The following RAPGEF4 variants were observed in gnomAD, a reference collection of about 807,000 sequenced individuals.
The protein encoded by RAPGEF4 is Rap guanine nucleotide exchange factor 4.
RAPGEF4 carries 66 observed loss-of-function variants against 147.9 expected under a neutral mutation model. The observed-to-expected ratio is 0.45, with a 90% CI of 0.37 to 0.55. The LOEUF (loss-of-function observed/expected upper bound fraction) is 0.55. Among genes scored for constraint, RAPGEF4 ranks in the 20% least tolerant of loss-of-function variants. The pLI, the probability that RAPGEF4 is intolerant of heterozygous loss-of-function variation, is 0.00. For synonymous variants in RAPGEF4, 419 were observed against 442.7 expected (o/e 0.95, Z 0.67); for missense variants, 1,071 against 1,257.3 (o/e 0.85, Z 2.24).
At chr2:172,946,058 C>T (rs6740103) in intron 6 of RAPGEF4, among the ~76,000 whole-genome samples, 3,346 of 147,998 alleles carry the variant, frequency 0.023, 120 homozygotes, top group African/African-American at 0.078. Context: ...ACTAGCAAAT[C>T]ATTAAAAACT....
At chr2:172,737,333 T>A (rs1437798395) in intron 1 of RAPGEF4, among the ~76,000 whole-genome samples, 1 of 152,188 alleles carries the variant, frequency 6.6e-6, no homozygotes, top group Admixed American at 6.5e-5. Flanking sequence ...GTATTTAAAG[T>A]ATAGAGGTTG....
chr2:172,910,142 T>C (rs936915727), intron 4 of RAPGEF4, among the ~76,000 whole-genome samples: 5 of 152,232 alleles, frequency 3.3e-5, no homozygotes, highest in Non-Finnish European at 5.9e-5. Flanking sequence ...GCTTCAGGCT[T>C]GGGCTCCCAA....
At chr2:172,986,844 C>G (rs554292226) in intron 12 of RAPGEF4, among the ~76,000 whole-genome samples, 1 of 152,196 alleles carries the variant, frequency 6.6e-6, no homozygotes, top group South Asian at 2.1e-4. Flanking sequence ...CAGGCGTGTG[C>G]CACCACGCCC....
At chr2:173,049,413 G>A (rs1685924419) in intron 30 of RAPGEF4, among the ~76,000 whole-genome samples, 1 of 152,090 alleles carries the variant, frequency 6.6e-6, no homozygotes, top group South Asian at 2.1e-4. Flanking sequence ...AACACTAAAG[G>A]TTTTTGCTAA....
At chr2:172,911,758 C>CTTTTTTTTT (rs34659758) in intron 4 of RAPGEF4, among the ~76,000 whole-genome samples, 1 of 63,220 alleles carries the variant, frequency 1.6e-5, no homozygotes, top group Non-Finnish European at 2.7e-5. Flanking sequence ...TGTGCTAAGC[C>CTTTTTTTTT]TTTTTTTTTT....
chr2:172,797,131 GT>G (rs1404785593), intron 2 of RAPGEF4, among the ~76,000 whole-genome samples: 3 of 152,140 alleles, frequency 2.0e-5, no homozygotes, highest in Non-Finnish European at 4.4e-5. Flanking sequence ...GCAGATTTTG[GT>G]TTTTTAAATC....
chr2:172,957,062 G>A (rs1456999380), intron 6 of RAPGEF4, among the ~76,000 whole-genome samples: 2 of 152,186 alleles, frequency 1.3e-5, no homozygotes, highest in East Asian at 3.9e-4. Context: ...TCTACTCTAA[G>A]CAATTCCAGT....
chr2:172,970,459 A>C (rs958609655), intron 10 of RAPGEF4, among the ~76,000 whole-genome samples: 1 of 152,230 alleles, frequency 6.6e-6, no homozygotes, highest in Non-Finnish European at 1.5e-5. Flanking sequence ...TAAACTCAGC[A>C]CGGCTGCATT....
In RAPGEF4 at chr2:173,020,714, T is replaced by G. The variant is rs1696004263; in HGVS notation, c.2252T>G (p.Leu751Arg). The G allele has an allele frequency of 6.2e-7, 1 of 1,611,872 alleles. No individual in the cohort carries two copies. Among genetic ancestry groups the G allele is most frequent in the Non-Finnish European group, 8.5e-7 (1 of 1,178,374 alleles). ...FACPREQFDSLTPLPEQEGPT... is the reference protein window; with the variant it reads ...FACPREQFDSRTPLPEQEGPT... ...TGCCCGCGAGAGCAATTCGATTCAC[T>G]GGTAGGTGTGGATGGCCTGCTCAGA... The change falls in exon 23 of 31, where the codon CTG becomes CGG. Residue 751 changes from leucine (L) to arginine (R), a missense_variant and splice_region_variant. By Grantham distance (102) the Leu-to-Arg change is moderately radical. Coordinates refer to ENST00000397081, the MANE Select transcript of RAPGEF4 (RefSeq NM_007023.4).
At chr2:172,834,555 C>T (rs1690714283) in intron 4 of RAPGEF4, among the ~76,000 whole-genome samples, 1 of 152,170 alleles carries the variant, frequency 6.6e-6, no homozygotes, top group African/African-American at 2.4e-5. Context: ...AAGAAATAAT[C>T]CCATTGTAAA....
At chr2:173,037,477 A>G (rs1684191077) in intron 29 of RAPGEF4, among the ~76,000 whole-genome samples, 2 of 152,050 alleles carry the variant, frequency 1.3e-5, no homozygotes, top group African/African-American at 4.8e-5. Flanking sequence ...AGCGGGGGGG[A>G]AAGCAAGGTT....
intron 4 of RAPGEF4, among the ~76,000 whole-genome samples, chr2:172,892,079 C>T (rs756453020): frequency 6.6e-6 from 1 of 152,086 alleles, no homozygotes; most frequent in Non-Finnish European, 1.5e-5. Context: ...GTTCTCAGCC[C>T]TTTGCCCTGT....
chr2:173,016,580 G>A, intron 19 of RAPGEF4, 143 bp downstream of exon 19: 1 of 657,366 alleles, frequency 1.5e-6, no homozygotes, highest in East Asian at 2.8e-5. Flanking sequence ...GAGGGCATAG[G>A]TGGTGCAGTA....
chr2:172,922,038 G>A (rs1438215118), intron 5 of RAPGEF4, among the ~76,000 whole-genome samples: 2 of 152,190 alleles, frequency 1.3e-5, no homozygotes, highest in South Asian at 2.1e-4. Flanking sequence ...AAACCATATG[G>A]TAGACGCAAA....
chr2:172,902,588 C>G (rs1235893014), intron 4 of RAPGEF4, among the ~76,000 whole-genome samples: 2 of 152,148 alleles, frequency 1.3e-5, no homozygotes, highest in Non-Finnish European at 2.9e-5. Flanking sequence ...CATGCCCCAC[C>G]CCTTCAAACA....
intron 1 of RAPGEF4, among the ~76,000 whole-genome samples, chr2:172,754,907 G>A (rs1490300093): frequency 6.6e-6 from 1 of 152,124 alleles, no homozygotes; most frequent in Non-Finnish European, 1.5e-5. Flanking sequence ...GCTGGGCCTG[G>A]TGGCAGGCAC....
chr2:172,830,349 A>G (rs1690159512), intron 4 of RAPGEF4, among the ~76,000 whole-genome samples: 1 of 152,228 alleles, frequency 6.6e-6, no homozygotes, highest in Admixed American at 6.5e-5. Context: ...TTCAAAATAA[A>G]TATTTCTAAT....
intron 17 of RAPGEF4, among the ~76,000 whole-genome samples, chr2:173,013,856 G>A (rs1695255379): frequency 6.6e-6 from 1 of 152,160 alleles, no homozygotes; most frequent in African/African-American, 2.4e-5. Flanking sequence ...AGAAGATATG[G>A]TGTAAAAATG....
At chr2:172,756,532 C>G (rs561223601) in intron 1 of RAPGEF4, among the ~76,000 whole-genome samples, 1 of 152,292 alleles carries the variant, frequency 6.6e-6, no homozygotes, top group South Asian at 2.1e-4. Flanking sequence ...TGTCTAGTCT[C>G]CCTTTTGTGT....
Sources: gnomAD v4.1 joint callset for allele counts (sites outside exome capture counted in the v4.1 genomes callset) on GRCh38, gnomAD v4.1.1 for gene constraint, MANE v1.5 for transcripts, NCBI Gene and HGNC (gene_info 2026-07-23, HGNC 2026-07-21) for gene names.